Variants in CCM2 observed in about 807,000 individuals in gnomAD.
CCM2 encodes CCM2 scaffold protein.
In CCM2, 25 loss-of-function variants were observed where a neutral mutation model predicts 44.9. The ratio of observed to expected loss-of-function variants is 0.56; its 90% CI spans 0.41 to 0.78. CCM2 has a LOEUF of 0.78. CCM2 is among the 30% of genes least tolerant of loss of function. The pLI is 0.00. For synonymous variants in CCM2, 219 were observed against 241.1 expected (o/e 0.91, Z 0.85); for missense variants, 481 against 580.6 (o/e 0.83, Z 1.76).
At chr7:45,010,555 TATTC>T (rs1796026592) in intron 1 of CCM2, among the ~76,000 whole-genome samples, 1 of 152,164 alleles carries the variant, frequency 6.6e-6, no homozygotes. Context: ...GTGATTTGTT[TATTC>T]ATTTGTTGGA....
At chr7:45,019,294 T>A (rs985254857) in intron 1 of CCM2, among the ~76,000 whole-genome samples, 1 of 151,964 alleles carries the variant, frequency 6.6e-6, no homozygotes, top group African/African-American at 2.4e-5. Context: ...AGGCTGGTCT[T>A]GAACTCCTGG....
chr7:45,064,142 A>G (rs557989985), intron 3 of CCM2, 141 bp downstream of exon 3: 161 of 657,974 alleles, frequency 2.4e-4, no homozygotes, highest in South Asian at 6.4e-4. Context: ...CATAAAGACT[A>G]TTCCTTAGTA....
At position 45,068,526 on chromosome 7, in the gene CCM2, G is replaced by A. The variant is rs758091168; in HGVS notation, c.556G>A (p.Ala186Thr). 2.5e-6 allele frequency: 4 copies of A among 1,614,134 alleles called. No individual in the cohort carries two copies. The Admixed American group carries it at 6.7e-5, about 27-fold the overall frequency. ...GLSAGSLSES[A>T]VGPVEACCLV... ...CAGTGCAGGCTCCCTGTCGGAGAGT[G>A]CAGTTGGGCCCGTGGAGGCATGCTG... is the stretch of plus-strand genomic sequence containing the variant. Residue 186 changes from alanine (A) to threonine (T), a missense_variant, in exon 5 of 10, where the codon GCA (alanine) becomes ACA (threonine). Physicochemically the swap from Ala to Thr is moderately conservative, Grantham distance 58 (BLOSUM62 0). Transcript: ENST00000258781.
At chr7:45,036,750 A>G (rs1033915671) in intron 1 of CCM2, among the ~76,000 whole-genome samples, 5 of 152,146 alleles carry the variant, frequency 3.3e-5, no homozygotes, top group Non-Finnish European at 4.4e-5. Flanking sequence ...TGAATTTCCC[A>G]TATGCTGGAG....
intron 1 of CCM2, among the ~76,000 whole-genome samples, chr7:45,016,432 C>T (rs1296943086): frequency 6.6e-5 from 10 of 151,680 alleles, no homozygotes; most frequent in South Asian, 2.1e-4. Flanking sequence ...CGGGTTCAAG[C>T]GATTCTCCTG....
chr7:45,039,851 A>T (rs1797396755), intron 2 of CCM2, among the ~76,000 whole-genome samples: 2 of 151,448 alleles, frequency 1.3e-5, no homozygotes, highest in African/African-American at 2.4e-5. Context: ...ACATGGAGAA[A>T]CCCCGTCTCT....
chr7:45,067,197 C>CTT (rs539848444), intron 4 of CCM2, among the ~76,000 whole-genome samples: 19 of 141,294 alleles, frequency 1.3e-4, no homozygotes, highest in Non-Finnish European at 2.3e-4. Context: ...CTGTGCCCGC[C>CTT]TTTTTTTTTT....
At chr7:45,032,223 G>A (rs1232332121) in intron 1 of CCM2, among the ~76,000 whole-genome samples, 1 of 152,116 alleles carries the variant, frequency 6.6e-6, no homozygotes, top group Non-Finnish European at 1.5e-5. Context: ...GAAACTTAGG[G>A]TAGCTGCTAT....
At chr7:45,068,174 T>C (rs541581617) in intron 4 of CCM2, 276 of 523,154 alleles carry the variant, frequency 5.3e-4, no homozygotes, top group African/African-American at 4.7e-3. Flanking sequence ...GTTGTATATG[T>C]GGTCTGTTGT....
intron 1 of CCM2, among the ~76,000 whole-genome samples, chr7:45,005,045 A>G (rs1253234104): frequency 3.3e-5 from 5 of 151,164 alleles, no homozygotes; most frequent in East Asian, 1.9e-4. Flanking sequence ...CCGATTCTAT[A>G]ACTGTCACAA....
At chr7:45,043,058 G>A (rs1277934514) in intron 2 of CCM2, among the ~76,000 whole-genome samples, 6 of 148,364 alleles carry the variant, frequency 4.0e-5, no homozygotes, top group East Asian at 2.0e-4. Context: ...CTGCAGCCTC[G>A]ACCTTCCAAG....
At position 45,069,972 on chromosome 7, in the gene CCM2, T is replaced by C; in HGVS notation, c.745+11T>C. On this transcript the variant is annotated intron_variant, in intron 6 of 9. Transcript: ENST00000258781. ...TGTCCCTGCACAGCGGTATGTTGAG[T>C]GAGAGTGGGCAGCGGGTGGGAGCAG... 6.2e-7 allele frequency: 1 copy of C among 1,613,398 alleles called. No homozygotes were observed. Among genetic ancestry groups the C allele is most frequent in the Non-Finnish European group, 8.5e-7 (1 of 1,179,954 alleles).
At chr7:45,022,008 C>T (rs1562866729) in intron 1 of CCM2, among the ~76,000 whole-genome samples, 2 of 152,128 alleles carry the variant, frequency 1.3e-5, no homozygotes, top group African/African-American at 2.4e-5. Flanking sequence ...AGAGCTGTCA[C>T]GTATTTCTTA....
intron 1 of CCM2, among the ~76,000 whole-genome samples, chr7:45,021,741 G>A (rs943599113): frequency 6.6e-6 from 1 of 151,874 alleles, no homozygotes; most frequent in Non-Finnish European, 1.5e-5. Flanking sequence ...GAGACAGGGA[G>A]GAGGAGGAGG....
Position 45,073,473 on chromosome 7 carries a change from T to C in CCM2, c.817T>C (p.Ser273Pro), listed in dbSNP as rs1248329498. 1.9e-6 allele frequency: 3 copies of C among 1,613,446 alleles called. No individual in the cohort carries two copies. The highest frequency in any genetic ancestry group is 2.2e-5 in the East Asian group (1 of 44,882). ...ATTCTTTCGCAGCTGCTTCCCTGAA[T>C]CTGTGGATGTGGGTGGTGCATCACC... ...VEASTFCFPE[S>P]VDVGGASPHS... Residue 273 changes from serine (S) to proline (P), a missense_variant, in exon 8 of 10, where the codon TCT becomes CCT. Physicochemically the swap from Ser to Pro is moderately conservative, Grantham distance 74. Transcript: ENST00000258781.
intron 1 of CCM2, among the ~76,000 whole-genome samples, chr7:45,018,169 A>T (rs1238126314): frequency 2.6e-5 from 4 of 152,090 alleles, no homozygotes; most frequent in African/African-American, 9.7e-5. Context: ...TAATGCAGCC[A>T]CTGATCTCAC....
At chr7:45,017,206 T>G (rs553091451) in intron 1 of CCM2, among the ~76,000 whole-genome samples, 1 of 152,344 alleles carries the variant, frequency 6.6e-6, no homozygotes, top group South Asian at 2.1e-4. Flanking sequence ...CTGACAGTTA[T>G]TTTTTCCAGA....
At chr7:45,044,820 TTTCC>T (rs968821913) in intron 2 of CCM2, among the ~76,000 whole-genome samples, 9 of 152,162 alleles carry the variant, frequency 5.9e-5, no homozygotes, top group Non-Finnish European at 8.8e-5. Flanking sequence ...TGATTCTTAT[TTTCC>T]TTCCTTCCTT....
At chr7:45,066,397 T>G (rs1798774462) in intron 4 of CCM2, among the ~76,000 whole-genome samples, 1 of 152,244 alleles carries the variant, frequency 6.6e-6, no homozygotes, top group African/African-American at 2.4e-5. Context: ...TCCTCCTGCC[T>G]TAGCCTCCCA....
Sources: gnomAD v4.1 joint callset for allele counts (sites outside exome capture counted in the v4.1 genomes callset) on GRCh38, gnomAD v4.1.1 for gene constraint, MANE v1.5 for transcripts, NCBI Gene and HGNC (gene_info 2026-07-23, HGNC 2026-07-21) for gene names.